Variants in ACACB observed in about 807,000 individuals in gnomAD.
ACACB encodes the protein acetyl-CoA carboxylase beta.
Under a neutral mutation model 278.8 loss-of-function variants are expected in ACACB, and 209 were observed. The ratio of observed to expected loss-of-function variants is 0.75; its 90% CI spans 0.67 to 0.84. The LOEUF is 0.84. ACACB is among the 40% of genes least tolerant of loss of function. The pLI, the probability that ACACB is intolerant of heterozygous loss-of-function variation, is 0.00. For missense variants in ACACB, 2,850 were observed against 3,269.0 expected (o/e 0.87, Z 3.13); for synonymous variants, 1,174 against 1,285.6 (o/e 0.91, Z 1.86).
chr12:109,217,041 G>A, intron 24 of ACACB, 121 bp downstream of exon 24: 1 of 1,312,456 alleles, frequency 7.6e-7, no homozygotes, highest in Non-Finnish European at 1.0e-6. Context: ...CATCACTTTG[G>A]GAGGCTGAGG....
intron 1 of ACACB, among the ~76,000 whole-genome samples, chr12:109,138,999 A>G (rs1236977290): frequency 6.6e-6 from 1 of 152,206 alleles, no homozygotes; most frequent in African/African-American, 2.4e-5. Context: ...GAACATTTTC[A>G]TCATCCCAAA....
chr12:109,254,882 C>G (rs1385768481), intron 44 of ACACB, among the ~76,000 whole-genome samples: 1 of 151,756 alleles, frequency 6.6e-6, no homozygotes, highest in Admixed American at 6.6e-5. Flanking sequence ...TCAAGTGATT[C>G]TCCTGACTCA....
intron 26 of ACACB, among the ~76,000 whole-genome samples, chr12:109,223,361 G>C (rs911379235): frequency 3.3e-5 from 5 of 152,140 alleles, no homozygotes; most frequent in Non-Finnish European, 4.4e-5. Flanking sequence ...TGATTAAATA[G>C]GGGAGGAGCC....
chr12:109,223,468 T>A (rs1455426377), intron 26 of ACACB, among the ~76,000 whole-genome samples: 1 of 152,094 alleles, frequency 6.6e-6, no homozygotes, highest in African/African-American at 2.4e-5. Flanking sequence ...TTAAAAAACT[T>A]ACTCACTGGC....
At position 109,139,980 on chromosome 12, in the gene ACACB, GC is replaced by G. The variant is rs1363844677; in HGVS notation, c.577del (p.Arg193GlyfsTer13). 3.7e-6 allele frequency: 6 copies of G among 1,613,540 alleles called. No individual in the cohort carries two copies. The highest frequency in any genetic ancestry group is 5.1e-6 in the Non-Finnish European group (6 of 1,180,026). On this transcript the variant is annotated frameshift_variant, in exon 2 of 53. Transcript: ENST00000338432. LOFTEE classifies it high-confidence loss of function. The part of the protein sequence containing the change: ...GSSRESTRKG[S>X]RASLGALSLE... ...TCTCGTGAGTCTACCCGGAAGGGCA[GC>G]CGGGCCAGCTTGGGGGCCCTGTCCC...
intron 13 of ACACB, among the ~76,000 whole-genome samples, chr12:109,188,434 T>C (rs1593504061): frequency 9.1e-6 from 1 of 110,160 alleles, no homozygotes; most frequent in Admixed American, 1.2e-4. Flanking sequence ...TCCTTCCTCC[T>C]CCCCTTCCCT....
chr12:109,163,322 A>G, intron 2 of ACACB, among the ~76,000 whole-genome samples: 1 of 152,196 alleles, frequency 6.6e-6, no homozygotes, highest in East Asian at 1.9e-4. Flanking sequence ...GAAGTTTAAA[A>G]AGCTCTCATT....
intron 27 of ACACB, 86 bp from the exon 28 acceptor site, chr12:109,227,285 T>C (rs1260209834): frequency 2.0e-5 from 24 of 1,172,056 alleles, no homozygotes; most frequent in South Asian, 4.1e-5. Context: ...TCATTTCTGG[T>C]ACCTGTTCCC....
intron 2 of ACACB, among the ~76,000 whole-genome samples, chr12:109,144,951 T>A (rs1233058002): frequency 2.6e-5 from 4 of 151,832 alleles, no homozygotes; most frequent in Non-Finnish European, 1.5e-5. Context: ...TTAGTAGAGA[T>A]GGGGTTTCAC....
At chr12:109,225,068 A>G (rs934069741) in intron 27 of ACACB, among the ~76,000 whole-genome samples, 2 of 152,118 alleles carry the variant, frequency 1.3e-5, no homozygotes, top group African/African-American at 4.8e-5. Flanking sequence ...TTATTCCTCT[A>G]TGGGTTTCAC....
chr12:109,139,360 T>C, intron 1 of ACACB, 37 bp from the exon 2 acceptor site: 1 of 1,561,446 alleles, frequency 6.4e-7, no homozygotes, highest in Non-Finnish European at 8.7e-7. Context: ...CACTTGATTA[T>C]GTAAATCCTA....
At position 109,227,467 on chromosome 12, in the gene ACACB, C is replaced by A; in HGVS notation, c.3979C>A (p.Leu1327Met). The change falls in exon 28 of 53, where the codon CTG becomes ATG. Residue 1327 changes from leucine (L) to methionine (M), a missense_variant. Leu to Met is a conservative substitution (Grantham distance 15). This residue lies in a region of ACACB where 2,265 missense variants were observed against 2,561.3 expected (regional missense o/e 0.88). Transcript: ENST00000338432. ...GTCVVEFQFM[L>M]PSSHPNRMTV... is the part of the protein sequence containing the mutation. ...CTGCGTGGTAGAATTCCAGTTCATG[C>A]TGCCGTCCTCCCACCCAAACCGGTA... is the stretch of plus-strand genomic sequence containing the variant. The A allele has an allele frequency of 1.2e-6, 2 of 1,614,062 alleles. No homozygotes were observed. The highest frequency in any genetic ancestry group is 8.5e-7 in the Non-Finnish European group (1 of 1,179,990).
At chr12:109,240,785 A>C (rs2046773867) in intron 35 of ACACB, among the ~76,000 whole-genome samples, 1 of 152,070 alleles carries the variant, frequency 6.6e-6, no homozygotes, top group African/African-American at 2.4e-5. Context: ...TAAAGATAGT[A>C]TAACATAGCA....
rs752832246 is a variant in ACACB, at chr12:109,237,234, C to T, written c.4516C>T (p.Arg1506Cys). The change falls in exon 34 of 53, where the codon CGT becomes TGT. Residue 1506 changes from arginine (R) to cysteine (C), a missense_variant. Around this residue, in one of 3 missense-constraint regions of ACACB, gnomAD observed 2,265 missense variants for 2,561.3 expected, o/e 0.88. Coordinates refer to ENST00000338432, the MANE Select transcript of ACACB (RefSeq NM_001093.4). ...LAFQLELNRM[R>C]NFDLTAVPCA... Reference sequence around the variant, plus strand: ...CTTCCAGCTGGAACTTAACCGGATGCGTAACTTCGATCTGACCGCCGTGCC... The same window carrying T: ...CTTCCAGCTGGAACTTAACCGGATGTGTAACTTCGATCTGACCGCCGTGCC... 4 of 1,614,162 alleles carry T rather than the reference C, an allele frequency of 2.5e-6. No individual in the cohort carries two copies. Among genetic ancestry groups the T allele is most frequent in the East Asian group, 2.2e-5 (1 of 44,890 alleles).
At chr12:109,174,400 AGTG>A (rs1839163884) in intron 7 of ACACB, among the ~76,000 whole-genome samples, 170 bp downstream of exon 7, 1 of 152,222 alleles carries the variant, frequency 6.6e-6, no homozygotes, top group South Asian at 2.1e-4. Context: ...TTAGTAAACA[AGTG>A]GTATAATTTA....
chr12:109,179,873 A>G (rs1450676034), intron 10 of ACACB, 44 bp from the exon 11 acceptor site: 1 of 1,573,504 alleles, frequency 6.4e-7, no homozygotes, highest in Admixed American at 1.8e-5. Context: ...AGTTCCCTGA[A>G]AAGACCTCTG....
rs920176873 is a variant in ACACB, at chr12:109,246,318, C to T, written c.5441C>T (p.Ser1814Phe). 2.5e-6 allele frequency: 4 copies of T among 1,611,056 alleles called. No homozygotes were observed. The highest frequency in any genetic ancestry group is 2.7e-5 in the African/African-American group (2 of 73,864). ...GAGGACCTTCTGTACCTGCGGGCAT[C>T]CGAGATGGCCCGGGCAGAGGGCATT... The part of the protein sequence containing the change: ...PGEDLLYLRA[S>F]EMARAEGIPK... Residue 1814 changes from serine (S) to phenylalanine (F), a missense_variant, in exon 39 of 53, where the codon TCC becomes TTC. By Grantham distance (155) the Ser-to-Phe change is radical. This residue lies in a region of ACACB where 2,265 missense variants were observed against 2,561.3 expected (regional missense o/e 0.88). Coordinates refer to ENST00000338432, the MANE Select transcript of ACACB (RefSeq NM_001093.4).
At chr12:109,154,738 C>G (rs1167838752) in intron 2 of ACACB, 4 of 152,632 alleles carry the variant, frequency 2.6e-5, no homozygotes, top group Non-Finnish European at 5.9e-5. Context: ...GCAGCAGAAC[C>G]CCGCCCGCGG....
In ACACB at chr12:109,193,576, T is replaced by A; in HGVS notation, c.2400-72T>A. The stretch of plus-strand genomic sequence containing the variant: ...TGATGCAGAGAGTTGCGTAATTTTT[T>A]TAAATGCAAGGGATGGCTGTGGAGT... On this transcript the variant is annotated intron_variant, in intron 15 of 52. Coordinates refer to ENST00000338432, the MANE Select transcript of ACACB (RefSeq NM_001093.4). The A allele has an allele frequency of 2.3e-6, 3 of 1,297,160 alleles. No homozygotes were observed. In the South Asian group the frequency reaches 3.6e-5, roughly 16 times the overall value. 80.4% of individuals were successfully genotyped at this position (1,297,160 alleles called of 1,614,324 possible).
Sources: gnomAD v4.1 joint callset for allele counts (sites outside exome capture counted in the v4.1 genomes callset) on GRCh38, gnomAD v4.1.1 for gene constraint, gnomAD v4.1.1 regional missense constraint, MANE v1.5 for transcripts, NCBI Gene and HGNC (gene_info 2026-07-23, HGNC 2026-07-21) for gene names.